The following NEGR1 variants were observed in gnomAD, a reference collection of about 807,000 sequenced individuals.
NEGR1 encodes the protein IgLON family member 4.
Under a neutral mutation model 40.9 loss-of-function variants are expected in NEGR1, and 10 were observed. The ratio of observed to expected loss-of-function variants is 0.24; its 90% CI spans 0.15 to 0.42. NEGR1 has a LOEUF of 0.42. Ranked by LOEUF, NEGR1 falls within the 10% of genes least tolerant of loss-of-function variation. NEGR1 has a pLI of 1.00. For missense variants in NEGR1, 352 were observed against 438.9 expected, an observed-to-expected ratio of 0.80 and a Z score of 1.77; for synonymous variants, 185 against 166.8, an observed-to-expected ratio of 1.11 and a Z score of -0.84.
chr1:71,584,660 G>A (rs1649244132), intron 6 of NEGR1, among the ~76,000 whole-genome samples: 1 of 151,994 alleles, frequency 6.6e-6, no homozygotes, highest in South Asian at 2.1e-4. Flanking sequence ...AAAATTACAG[G>A]GAACACAGTG....
At chr1:72,171,808 G>A (rs968811367) in intron 1 of NEGR1, among the ~76,000 whole-genome samples, 4 of 152,062 alleles carry the variant, frequency 2.6e-5, no homozygotes, top group African/African-American at 7.2e-5. Flanking sequence ...GTTTTGTGAA[G>A]TTTTATGAGG....
chr1:71,539,699 C>G (rs565236810), intron 6 of NEGR1, among the ~76,000 whole-genome samples: 1 of 151,584 alleles, frequency 6.6e-6, no homozygotes, highest in East Asian at 2.0e-4. Context: ...TATTATCATC[C>G]TGGTAAATAT....
At chr1:71,881,957 C>CA (rs1315790285) in intron 2 of NEGR1, among the ~76,000 whole-genome samples, 5 of 152,066 alleles carry the variant, frequency 3.3e-5, no homozygotes, top group Non-Finnish European at 5.9e-5. Flanking sequence ...TAGAGAAATA[C>CA]ATTTCAGCTG....
At chr1:71,884,898 G>C (rs1660683204) in intron 2 of NEGR1, among the ~76,000 whole-genome samples, 1 of 151,970 alleles carries the variant, frequency 6.6e-6, no homozygotes, top group Non-Finnish European at 1.5e-5. Flanking sequence ...ATTTTTTCTA[G>C]GTGTATGAAA....
intron 2 of NEGR1, among the ~76,000 whole-genome samples, chr1:71,777,434 C>T (rs1273314258): frequency 6.6e-6 from 1 of 152,010 alleles, no homozygotes; most frequent in Non-Finnish European, 1.5e-5. Context: ...TTTCCTATGC[C>T]TTAAAATTGT....
At chr1:71,548,729 C>T (rs1278756244) in intron 6 of NEGR1, among the ~76,000 whole-genome samples, 1 of 151,602 alleles carries the variant, frequency 6.6e-6, no homozygotes, top group African/African-American at 2.4e-5. Context: ...TAAACTACAA[C>T]ATATAAAGGA....
At chr1:72,057,282 T>C (rs774577000) in intron 1 of NEGR1, among the ~76,000 whole-genome samples, 1 of 151,622 alleles carries the variant, frequency 6.6e-6, no homozygotes, top group Non-Finnish European at 1.5e-5. Context: ...TGTGCATTAT[T>C]GGAGTGCATT....
At chr1:71,832,576 A>G (rs1658877494) in intron 2 of NEGR1, among the ~76,000 whole-genome samples, 1 of 152,060 alleles carries the variant, frequency 6.6e-6, no homozygotes, top group South Asian at 2.1e-4. Flanking sequence ...ATAAACCATA[A>G]CAAAACATCA....
At chr1:71,915,100 C>CT (rs1049641779) in intron 2 of NEGR1, among the ~76,000 whole-genome samples, 13 of 150,172 alleles carry the variant, frequency 8.7e-5, no homozygotes, top group East Asian at 2.0e-4. Flanking sequence ...TCATGAAGTC[C>CT]TTTTTTTTTA....
intron 6 of NEGR1, among the ~76,000 whole-genome samples, chr1:71,417,862 A>G (rs903553674): frequency 5.3e-5 from 8 of 152,148 alleles, no homozygotes; most frequent in African/African-American, 1.9e-4. Flanking sequence ...CCACAAAGAA[A>G]TGTTCAGTTG....
chr1:72,173,804 G>A (rs1374549917), intron 1 of NEGR1, among the ~76,000 whole-genome samples: 3 of 152,088 alleles, frequency 2.0e-5, no homozygotes, highest in African/African-American at 4.8e-5. Context: ...TTAGCTGGAC[G>A]TGGTGGCAGG....
chr1:71,641,919 T>G (rs1651366838), intron 4 of NEGR1, among the ~76,000 whole-genome samples: 1 of 152,028 alleles, frequency 6.6e-6, no homozygotes, highest in South Asian at 2.1e-4. Context: ...TGGTCTTCTC[T>G]GAAAGGTTCA....
At chr1:71,686,860 C>G (rs983764102) in intron 4 of NEGR1, among the ~76,000 whole-genome samples, 2 of 152,144 alleles carry the variant, frequency 1.3e-5, no homozygotes, top group Non-Finnish European at 2.9e-5. Context: ...GCTTCAAAGT[C>G]CTTTTGACAT....
intron 6 of NEGR1, among the ~76,000 whole-genome samples, chr1:71,548,238 A>G (rs1647965373): frequency 6.6e-6 from 1 of 151,708 alleles, no homozygotes; most frequent in Non-Finnish European, 1.5e-5. Flanking sequence ...AAACATAACT[A>G]ATACAGCTCC....
intron 2 of NEGR1, among the ~76,000 whole-genome samples, chr1:71,866,705 T>C (rs530955559): frequency 1.4e-3 from 215 of 152,326 alleles, no homozygotes; most frequent in African/African-American, 4.8e-3. Flanking sequence ...GTTTAGCTTG[T>C]AGTTGGTTTT....
intron 3 of NEGR1, among the ~76,000 whole-genome samples, chr1:71,705,550 C>G (rs1423482517): frequency 1.3e-5 from 2 of 152,048 alleles, no homozygotes; most frequent in Non-Finnish European, 2.9e-5. Flanking sequence ...TAAAAACATA[C>G]AACCCAATTA....
intron 4 of NEGR1, among the ~76,000 whole-genome samples, chr1:71,660,948 G>A (rs1336395716): frequency 6.6e-6 from 1 of 152,172 alleles, no homozygotes; most frequent in Admixed American, 6.5e-5. Flanking sequence ...AGAACATGCA[G>A]TGTTTGGTTT....
At chr1:71,765,560 G>A (rs1332296347) in intron 3 of NEGR1, among the ~76,000 whole-genome samples, 2 of 151,706 alleles carry the variant, frequency 1.3e-5, no homozygotes, top group East Asian at 3.9e-4. Flanking sequence ...AATTACTTTT[G>A]CACCAATCTA....
chr1:71,916,524 G>T (rs763058997), intron 2 of NEGR1, among the ~76,000 whole-genome samples: 7 of 152,276 alleles, frequency 4.6e-5, no homozygotes, highest in African/African-American at 7.2e-5. Context: ...AGGCCGAAGC[G>T]GGTGGATCAC....
Sources: allele counts gnomAD v4.1 joint callset (sites outside exome capture counted in the v4.1 genomes callset), GRCh38; gene constraint gnomAD v4.1.1; transcripts MANE v1.5; gene names NCBI Gene and HGNC (gene_info 2026-07-23, HGNC 2026-07-21).